The following MDGA2 variants were observed in gnomAD, a reference collection of about 807,000 sequenced individuals.
The protein encoded by MDGA2 is MAM domain-containing glycosylphosphatidylinositol anchor protein 2.
In MDGA2, 40 loss-of-function variants were observed where a neutral mutation model predicts 117.8. The observed-to-expected ratio is 0.34, with a 90% confidence interval of 0.26 to 0.44. The LOEUF is 0.44. Ranked by LOEUF, MDGA2 falls within the 20% of genes least tolerant of loss-of-function variation. The pLI is 1.00. For synonymous variants in MDGA2, 452 were observed against 439.0 expected (o/e 1.03, Z -0.37); for missense variants, 1,123 against 1,250.6 (o/e 0.90, Z 1.54).
intron 1 of MDGA2, among the ~76,000 whole-genome samples, chr14:47,655,450 A>G (rs543225646): frequency 6.6e-6 from 1 of 152,258 alleles, no homozygotes; most frequent in Non-Finnish European, 1.5e-5. Context: ...ACACTGGTCC[A>G]TTACATAATA....
At chr14:47,185,644 G>GA (rs1348742657) in intron 3 of MDGA2, among the ~76,000 whole-genome samples, 4 of 151,490 alleles carry the variant, frequency 2.6e-5, no homozygotes, top group Middle Eastern at 3.2e-3. Context: ...ACCTAGGAAA[G>GA]AAAAAATCTG....
intron 8 of MDGA2, among the ~76,000 whole-genome samples, chr14:46,989,034 C>G (rs1886976166): frequency 6.6e-6 from 1 of 152,078 alleles, no homozygotes; most frequent in Admixed American, 6.6e-5. Flanking sequence ...TTTATATCTA[C>G]ATAAACAAAC....
intron 6 of MDGA2, among the ~76,000 whole-genome samples, chr14:47,078,519 G>T (rs922940874): frequency 6.6e-6 from 1 of 151,974 alleles, no homozygotes; most frequent in African/African-American, 2.4e-5. Context: ...TCAAATTTTT[G>T]AAATATAAAT....
intron 5 of MDGA2, among the ~76,000 whole-genome samples, chr14:47,106,458 G>A (rs1369072368): frequency 6.6e-6 from 1 of 151,958 alleles, no homozygotes; most frequent in Non-Finnish European, 1.5e-5. Flanking sequence ...CTTGCTACAT[G>A]TGCCGGAAAT....
At chr14:47,541,481 T>C (rs1010689007) in intron 1 of MDGA2, among the ~76,000 whole-genome samples, 10 of 152,176 alleles carry the variant, frequency 6.6e-5, no homozygotes, top group Admixed American at 5.9e-4. Context: ...ATGCTCAAAC[T>C]CTTAATGTTG....
At chr14:47,638,085 A>T (rs1335785862) in intron 1 of MDGA2, among the ~76,000 whole-genome samples, 1 of 152,182 alleles carries the variant, frequency 6.6e-6, no homozygotes, top group African/African-American at 2.4e-5. Flanking sequence ...AATAATTTAG[A>T]TGAGGCCCCT....
At chr14:47,054,678 G>A (rs1489062576) in intron 7 of MDGA2, among the ~76,000 whole-genome samples, 1 of 151,910 alleles carries the variant, frequency 6.6e-6, no homozygotes, top group African/African-American at 2.4e-5. Context: ...GAACAGAACA[G>A]AGCCCTCAGA....
At chr14:46,929,599 GTGTATATATATATA>G (rs1458991584) in intron 9 of MDGA2, among the ~76,000 whole-genome samples, 22 of 15,256 alleles carry the variant, frequency 1.4e-3, no homozygotes, top group African/African-American at 2.1e-3. Flanking sequence ...GTGTGTGTGT[GTGTATATATATATA>G]TATATATATA....
intron 1 of MDGA2, among the ~76,000 whole-genome samples, chr14:47,587,754 G>A (rs935203297): frequency 2.6e-5 from 4 of 151,844 alleles, no homozygotes; most frequent in African/African-American, 4.8e-5. Context: ...ACAATTTTGT[G>A]TACAATTCAG....
chr14:47,492,977 T>C (rs1894203287), intron 1 of MDGA2, among the ~76,000 whole-genome samples: 1 of 152,134 alleles, frequency 6.6e-6, no homozygotes, highest in Admixed American at 6.6e-5. Context: ...TTATTTTCTC[T>C]AATGCTACAT....
intron 4 of MDGA2, among the ~76,000 whole-genome samples, chr14:47,134,133 A>T (rs575610599): frequency 1.4e-4 from 21 of 152,182 alleles, no homozygotes; most frequent in South Asian, 1.2e-3. Flanking sequence ...AATACATGAA[A>T]TCTAATTATG....
chr14:47,286,824 T>TATATATATATATAC (rs1491236673), intron 2 of MDGA2, among the ~76,000 whole-genome samples: 2 of 104,250 alleles, frequency 1.9e-5, no homozygotes, highest in African/African-American at 6.7e-5. Context: ...TATATATATA[T>TATATATATATATAC]ACATATATAT....
At chr14:47,144,891 C>T (rs1376954657) in intron 3 of MDGA2, among the ~76,000 whole-genome samples, 1 of 149,600 alleles carries the variant, frequency 6.7e-6, no homozygotes, top group African/African-American at 2.5e-5. Flanking sequence ...TTCAAGCGAT[C>T]CTCCCACCTC....
chr14:46,911,823 A>C (rs1001453337), intron 10 of MDGA2, among the ~76,000 whole-genome samples: 1 of 152,222 alleles, frequency 6.6e-6, no homozygotes, highest in Non-Finnish European at 1.5e-5. Flanking sequence ...CGTACATTTA[A>C]GAAATATTAA....
intron 1 of MDGA2, among the ~76,000 whole-genome samples, chr14:47,552,891 T>TA (rs1189954983): frequency 6.6e-6 from 1 of 152,264 alleles, no homozygotes. Context: ...TCTTTGTACT[T>TA]ACGTTCCTTC....
intron 3 of MDGA2, among the ~76,000 whole-genome samples, chr14:47,181,172 A>G (rs1001172009): frequency 1.4e-4 from 21 of 152,080 alleles, no homozygotes; most frequent in African/African-American, 5.1e-4. Context: ...CGCTGCACCT[A>G]GTCATATAGG....
At position 47,067,599 on chromosome 14, in the gene MDGA2, T is replaced by C. The variant is rs542088981; in HGVS notation, c.1196-6021A>G. ...CTACACTAAGAGCCGCGTGCCTCTT[T>C]CTTTCCAACCAACAATTTAGAAAAC... On this transcript the variant is annotated intron_variant, in intron 6 of 16. Coordinates refer to ENST00000399232, the MANE Select transcript of MDGA2 (RefSeq NM_001113498.3). 2.3e-5 allele frequency among the ~76,000 whole-genome samples: 3 copies of C among 127,680 alleles called. No homozygotes were observed. In the South Asian group the frequency reaches 7.0e-4, roughly 30 times the overall value. 83.8% of individuals were successfully genotyped at this position (127,680 alleles called of 152,430 possible). A position where few individuals can be genotyped will look rare whatever the true frequency, so the allele number is the denominator to read the frequency against.
chr14:46,942,570 C>A (rs1885037551), intron 9 of MDGA2, among the ~76,000 whole-genome samples: 1 of 152,100 alleles, frequency 6.6e-6, no homozygotes, highest in African/African-American at 2.4e-5. Flanking sequence ...GTCACCTCCA[C>A]CCTTGACCCA....
At chr14:47,441,174 C>T (rs1378818785) in intron 1 of MDGA2, among the ~76,000 whole-genome samples, 1 of 152,068 alleles carries the variant, frequency 6.6e-6, no homozygotes, top group African/African-American at 2.4e-5. Context: ...TTGATGAGAT[C>T]CTTTAATAGG....
Sources: gnomAD v4.1 joint callset for allele counts (sites outside exome capture counted in the v4.1 genomes callset) on GRCh38, gnomAD v4.1.1 for gene constraint, MANE v1.5 for transcripts, NCBI Gene and HGNC (gene_info 2026-07-23, HGNC 2026-07-21) for gene names.